MAPK6: variants seen among roughly 807,000 people sequenced by gnomAD.
MAPK6 encodes the protein mitogen-activated protein kinase 6, also known as ERK-3.
A neutral mutation model predicts 59.3 loss-of-function variants in MAPK6; 19 were observed. The ratio of observed to expected loss-of-function variants is 0.32; its 90% CI spans 0.22 to 0.47. MAPK6 has a LOEUF of 0.47. MAPK6 is among the 20% of genes least tolerant of loss of function. MAPK6 has a pLI of 1.00. For synonymous variants in MAPK6, 316 were observed against 290.3 expected (o/e 1.09, Z -0.90); for missense variants, 724 against 847.9 (o/e 0.85, Z 1.81).
intron 2 of MAPK6, among the ~76,000 whole-genome samples, chr15:51,995,084 G>A (rs1298250054): frequency 1.3e-5 from 2 of 152,242 alleles, no homozygotes; most frequent in Admixed American, 6.5e-5. Flanking sequence ...CTGAGTCAGA[G>A]TTTAGTGTCC....
chr15:52,012,269 C>T (rs996689301), intron 3 of MAPK6, among the ~76,000 whole-genome samples: 1 of 152,158 alleles, frequency 6.6e-6, no homozygotes, highest in Non-Finnish European at 1.5e-5. Flanking sequence ...GCCTGAATGT[C>T]TCCTAATGAA....
chr15:52,049,979 TG>T lies in MAPK6; in HGVS notation c.556-13del. The T allele has an allele frequency of 6.2e-7, 1 of 1,607,044 alleles. No homozygotes were observed. Among genetic ancestry groups the T allele is most frequent in the Non-Finnish European group, 8.5e-7 (1 of 1,175,768 alleles). ...GCTAAAGTAAAAAAAGTATGTTTTT[TG>T]TTTCTTTTATAGGGTCATCTTTCTG... On this transcript the variant is annotated splice_polypyrimidine_tract_variant and intron_variant, in intron 2 of 5. Transcript: ENST00000261845.
At chr15:51,972,989 A>G (rs2057141681) in intron 1 of MAPK6, among the ~76,000 whole-genome samples, 1 of 151,808 alleles carries the variant, frequency 6.6e-6, no homozygotes, top group South Asian at 2.1e-4. Flanking sequence ...AGCCTGAGTG[A>G]CAGAGTAAGG....
intron 3 of MAPK6, among the ~76,000 whole-genome samples, chr15:52,008,046 C>T (rs2029950021): frequency 6.6e-6 from 1 of 151,996 alleles, no homozygotes; most frequent in African/African-American, 2.4e-5. Context: ...GGGGTTTCAC[C>T]ATTTTGGGCA....
chr15:52,001,018 C>G (rs1390689329), intron 2 of MAPK6, among the ~76,000 whole-genome samples: 1 of 152,090 alleles, frequency 6.6e-6, no homozygotes, highest in Admixed American at 6.6e-5. Context: ...TTGAATGTGT[C>G]TTCTCCAAAA....
At chr15:52,019,714 C>T (rs1198368346) in intron 1 of MAPK6, among the ~76,000 whole-genome samples, 2 of 150,574 alleles carry the variant, frequency 1.3e-5, no homozygotes, top group East Asian at 3.9e-4. Flanking sequence ...CCAGGCCGCG[C>T]CCGCTCCCTG....
At chr15:52,030,611 C>CTTTTTTTTTTTTTTTTTTTTTTTTT (rs11295636) in intron 1 of MAPK6, among the ~76,000 whole-genome samples, 1 of 35,712 alleles carries the variant, frequency 2.8e-5, no homozygotes, top group African/African-American at 1.1e-4. Context: ...CAGAAGAAGG[C>CTTTTTTTTTTTTTTTTTTTTTTTTT]TTTTTTTTTT....
At chr15:51,991,215 A>ATATATATGTG (rs1315355274) in intron 2 of MAPK6, among the ~76,000 whole-genome samples, 3 of 152,070 alleles carry the variant, frequency 2.0e-5, no homozygotes, top group African/African-American at 7.2e-5. Flanking sequence ...GTACATATGT[A>ATATATATGTG]TATATATGTG....
chr15:52,036,057 C>G (rs776113795), intron 1 of MAPK6, among the ~76,000 whole-genome samples: 1 of 152,028 alleles, frequency 6.6e-6, no homozygotes, highest in African/African-American at 2.4e-5. Flanking sequence ...AATTTGAGAG[C>G]TGGAAGAGAC....
At chr15:51,997,494 G>A (rs780355795) in intron 2 of MAPK6, among the ~76,000 whole-genome samples, 1 of 151,776 alleles carries the variant, frequency 6.6e-6, no homozygotes, top group African/African-American at 2.4e-5. Context: ...CTGACCTCAA[G>A]TGATCTACCC....
chr15:51,998,529 C>T (rs1399911107), intron 2 of MAPK6, among the ~76,000 whole-genome samples: 2 of 130,396 alleles, frequency 1.5e-5, no homozygotes, highest in African/African-American at 5.9e-5. Flanking sequence ...TCTCCCCTCT[C>T]TCTTTTTTTT....
chr15:52,014,524 C>G (rs1408869873), upstream of MAPK6, among the ~76,000 whole-genome samples: 1 of 151,902 alleles, frequency 6.6e-6, no homozygotes, highest in Non-Finnish European at 1.5e-5. Context: ...CCAGCCTGGG[C>G]AACATAGTGA....
In MAPK6 at chr15:52,046,370, T is replaced by A. The variant is rs2031592892; in HGVS notation, c.-91T>A. On this transcript the variant is annotated 5_prime_UTR_variant, in exon 2 of 6. Coordinates refer to ENST00000261845, the MANE Select transcript of MAPK6 (RefSeq NM_002748.4). Reference sequence around the variant, plus strand: ...GAAGCATAATTATTTTTCTTCTCCCTTTTTGAAAGATCTTTCCTTTTGATG... The same window carrying A: ...GAAGCATAATTATTTTTCTTCTCCCATTTTGAAAGATCTTTCCTTTTGATG... The A allele has an allele frequency of 1.0e-6, 1 of 980,146 alleles. No homozygotes were observed. The highest frequency in any genetic ancestry group is 1.5e-6 in the Non-Finnish European group (1 of 649,032). 60.7% of individuals were successfully genotyped at this position (980,146 alleles called of 1,614,324 possible).
chr15:52,047,687 T>G (rs1413787435), intron 2 of MAPK6, among the ~76,000 whole-genome samples: 1 of 150,804 alleles, frequency 6.6e-6, no homozygotes, highest in African/African-American at 2.4e-5. Context: ...AAGATCTTGC[T>G]GTGTTGCTCA....
chr15:51,988,029 G>A (rs1465952718), intron 2 of MAPK6, among the ~76,000 whole-genome samples: 1 of 152,084 alleles, frequency 6.6e-6, no homozygotes, highest in African/African-American at 2.4e-5. Flanking sequence ...GCCTCCCAAA[G>A]TGCTAGGATT....
At chr15:52,002,408 T>C (rs2057244606) in intron 2 of MAPK6, among the ~76,000 whole-genome samples, 1 of 152,214 alleles carries the variant, frequency 6.6e-6, no homozygotes. Flanking sequence ...CTCCATCTTA[T>C]CTGTGCTTTC....
At chr15:52,043,022 G>A (rs1387644099) in intron 1 of MAPK6, among the ~76,000 whole-genome samples, 2 of 152,094 alleles carry the variant, frequency 1.3e-5, no homozygotes, top group East Asian at 3.9e-4. Flanking sequence ...TACTTGGGGG[G>A]CTGAGGGGCT....
chr15:52,061,475 C>T lies in MAPK6; in HGVS notation c.1042C>T (p.His348Tyr). 1 of 1,612,738 alleles carries T rather than the reference C, an allele frequency of 6.2e-7. No individual in the cohort carries two copies. Among genetic ancestry groups the T allele is most frequent in the Admixed American group, 1.7e-5 (1 of 60,008 alleles). Residue 348 changes from histidine to tyrosine, a missense_variant, in exon 5 of 6, where the codon CAC becomes TAC. By Grantham distance (83) the His-to-Tyr change is moderately conservative (BLOSUM62 2). This residue lies in a region of MAPK6 where 502 missense variants were observed against 507.6 expected (regional missense o/e 0.99). Coordinates refer to ENST00000261845, the MANE Select transcript of MAPK6 (RefSeq NM_002748.4). ...VDDILLMDET[H>Y]SHIYNWERYH... ...TGATATTTTGCTTATGGATGAAACT[C>T]ACAGTCACATTTATAACTGGGAAAG...
chr15:51,981,466 C>T (rs939012188), intron 1 of MAPK6, among the ~76,000 whole-genome samples: 1 of 135,706 alleles, frequency 7.4e-6, no homozygotes, highest in African/African-American at 2.7e-5. Flanking sequence ...AGCGAGACTC[C>T]GTCTCAAAAA....
Sources: allele counts gnomAD v4.1 joint callset (sites outside exome capture counted in the v4.1 genomes callset), GRCh38; gene constraint gnomAD v4.1.1; regional missense constraint gnomAD v4.1.1; transcripts MANE v1.5; gene names NCBI Gene and HGNC (gene_info 2026-07-23, HGNC 2026-07-21).